CHD1L: variants seen among roughly 807,000 people sequenced by gnomAD.
CHD1L encodes ATP-dependent chromatin remodeler CHD1L.
CHD1L carries 118 observed loss-of-function variants against 115.9 expected under a neutral mutation model. The observed-to-expected ratio is 1.02, with a 90% CI of 0.88 to 1.19. The LOEUF is 1.19. Ranked by LOEUF, CHD1L falls within the 50% of genes most tolerant of loss-of-function variation. The probability of loss-of-function intolerance (pLI) is 0.00; values close to 1 mark genes in which losing one functional copy is unlikely to be tolerated. For missense variants in CHD1L, 1,179 were observed against 1,065.3 expected (o/e 1.11, Z -1.49); for synonymous variants, 411 against 387.1 (o/e 1.06, Z -0.72).
At chr1:147,260,513 C>T (rs1553943456) in intron 6 of CHD1L, 1 of 152,106 alleles carries the variant, frequency 6.6e-6, no homozygotes. Context: ...TGAATAAGAA[C>T]CCTACCCCAA....
chr1:147,287,725 A>T lies in CHD1L; in HGVS notation c.2312A>T (p.Lys771Ile), dbSNP rs143800773. The change falls in exon 19 of 23, where the codon AAA becomes ATA. Residue 771 changes from lysine to isoleucine, a missense_variant. Coordinates refer to ENST00000369258, the MANE Select transcript of CHD1L (RefSeq NM_004284.6). ...EPRKIYELAG[K>I]MKDLSLGGVL... is the part of the protein sequence containing the mutation. ...AGAAAAATATATGAGCTGGCTGGGA[A>T]AATGAAAGGTAAGAAGCAAAGCAGA... 2.5e-6 allele frequency: 4 copies of T among 1,613,948 alleles called. No homozygotes were observed. Among genetic ancestry groups the T allele is most frequent in the Non-Finnish European group, 2.5e-6 (3 of 1,179,958 alleles).
the CHD1L span, among the ~76,000 whole-genome samples, chr1:147,192,323 G>A: frequency 6.6e-6 from 1 of 151,926 alleles, no homozygotes; most frequent in African/African-American, 2.4e-5. Flanking sequence ...GTCTGTTGTT[G>A]GTGTATAAGA....
intron 1 of CHD1L, 125 bp from the exon 2 acceptor site, chr1:147,252,498 A>G (rs1571658555): frequency 3.1e-6 from 2 of 648,888 alleles, no homozygotes; most frequent in Non-Finnish European, 2.6e-6. Context: ...TCAGCAAAAG[A>G]TACGTCCAGT....
the CHD1L span, among the ~76,000 whole-genome samples, chr1:147,222,533 A>C: frequency 6.6e-6 from 1 of 152,136 alleles, no homozygotes; most frequent in African/African-American, 2.4e-5. Context: ...ATGGAATAGA[A>C]ACTCTCTTTG....
chr1:147,242,680 C>T (rs782820756), upstream of CHD1L: 1 of 1,264,074 alleles, frequency 7.9e-7, no homozygotes, highest in Non-Finnish European at 1.0e-6. Context: ...CTTGGCCGCG[C>T]GGGGCGGGGC....
At chr1:147,223,896 T>C in the CHD1L span, 1 of 354,426 alleles carries the variant, frequency 2.8e-6, no homozygotes, top group Non-Finnish European at 5.4e-6. Context: ...CAGAGACTGT[T>C]GTCCTGGACT....
At chr1:147,251,461 A>C (rs992952894) in intron 1 of CHD1L, among the ~76,000 whole-genome samples, 5 of 152,216 alleles carry the variant, frequency 3.3e-5, no homozygotes, top group African/African-American at 7.2e-5. Context: ...CTGATTATAA[A>C]ATGGGGATAA....
At chr1:147,290,953 A>G (rs6697022) in intron 19 of CHD1L, among the ~76,000 whole-genome samples, 33,228 of 152,146 alleles carry the variant, frequency 0.22, 4,202 homozygotes, top group Middle Eastern at 0.28. Flanking sequence ...GTGCTCGGCC[A>G]TATATGTCAG....
the CHD1L span, among the ~76,000 whole-genome samples, chr1:147,231,760 G>A: frequency 4.6e-5 from 7 of 152,198 alleles, no homozygotes; most frequent in East Asian, 3.9e-4. Context: ...CTGGTGTGCC[G>A]TTCGCTAAGA....
At chr1:147,268,258 A>C (rs1571887885) in intron 9 of CHD1L, among the ~76,000 whole-genome samples, 1 of 151,862 alleles carries the variant, frequency 6.6e-6, no homozygotes, top group Non-Finnish European at 1.5e-5. Flanking sequence ...GGCTTTTTTG[A>C]TTCCCTGATT....
In CHD1L at chr1:147,267,531, C is replaced by T; in HGVS notation, c.988+13C>T. The stretch of plus-strand genomic sequence containing the variant: ...TATTTGTTTGATGGTGAGACAGTGC[C>T]TTTTCCCCCCACATTATTCTTTGGT... On this transcript the variant is annotated intron_variant, in intron 9 of 22. Transcript: ENST00000369258. 1.9e-6 allele frequency: 3 copies of T among 1,589,756 alleles called. No homozygotes were observed. The highest frequency in any genetic ancestry group is 1.7e-6 in the Non-Finnish European group (2 of 1,162,810).
the CHD1L span, among the ~76,000 whole-genome samples, chr1:147,233,904 G>A: frequency 1.3e-5 from 2 of 151,880 alleles, no homozygotes; most frequent in African/African-American, 2.4e-5. Context: ...CAGCATGCTC[G>A]TTAAGAGTCA....
chr1:147,256,548 A>G lies in CHD1L; in HGVS notation c.480A>G (p.Ala160=), dbSNP rs1553940694. ...LTTYEICLKD[A]SFLKSFPWSV... is the part of the protein sequence containing the mutation. ...TTTTTCAGATTTGCTTGAAAGATGC[A>G]TCATTTCTAAAATCGTGAGTAGGTT... Residue 160 remains alanine, a synonymous_variant, in exon 5 of 23, where the codon GCA becomes GCG. Coordinates refer to ENST00000369258, the MANE Select transcript of CHD1L (RefSeq NM_004284.6). 4 of 1,613,496 alleles carry G rather than the reference A, an allele frequency of 2.5e-6. No homozygotes were observed. The highest frequency in any genetic ancestry group is 2.2e-5 in the East Asian group (1 of 44,874).
At chr1:147,195,621 C>A in the CHD1L span, among the ~76,000 whole-genome samples, 18 of 152,202 alleles carry the variant, frequency 1.2e-4, no homozygotes, top group African/African-American at 4.1e-4. Flanking sequence ...AAGGACAGGG[C>A]TAGACTAAGG....
intron 11 of CHD1L, among the ~76,000 whole-genome samples, chr1:147,271,893 T>C (rs1214708290): frequency 1.3e-5 from 2 of 152,224 alleles, no homozygotes; most frequent in Admixed American, 1.3e-4. Flanking sequence ...TCAGGGTTGC[T>C]TGAGAATAGT....
intron 14 of CHD1L, among the ~76,000 whole-genome samples, chr1:147,277,317 G>GA (rs779962406): frequency 8.8e-4 from 134 of 152,238 alleles, no homozygotes; most frequent in Non-Finnish European, 1.5e-3. Context: ...GTTTAAGAGA[G>GA]AAAAAGTGAC....
rs142236750 is a variant in CHD1L, at chr1:147,285,455, G to C, written c.1986G>C (p.Lys662Asn). Residue 662 changes from lysine (K) to asparagine (N), a missense_variant, in exon 17 of 23, where the codon AAG becomes AAC. By Grantham distance (94) the Lys-to-Asn change is moderately conservative (BLOSUM62 0). Coordinates refer to ENST00000369258, the MANE Select transcript of CHD1L (RefSeq NM_004284.6). ...GAAGGAGACTCATAGAGGAGAAGAA[G>C]AGGCAAAAGGAAGAGGCTGAACATA... Reference protein sequence around the residue: ...AKRRRLIEEKKRQKEEAEHKK... With the variant: ...AKRRRLIEEKNRQKEEAEHKK... 6.2e-7 allele frequency: 1 copy of C among 1,613,032 alleles called. No individual in the cohort carries two copies. Among genetic ancestry groups the C allele is most frequent in the African/African-American group, 1.3e-5 (1 of 74,776 alleles).
At chr1:147,212,416 C>G in the CHD1L span, 7 of 1,614,078 alleles carry the variant, frequency 4.3e-6, no homozygotes, top group Non-Finnish European at 5.9e-6. Flanking sequence ...TGGCTAATCT[C>G]TACAGCCAGA....
At chr1:147,251,541 A>T (rs1261190237) in intron 1 of CHD1L, among the ~76,000 whole-genome samples, 2 of 151,940 alleles carry the variant, frequency 1.3e-5, no homozygotes, top group South Asian at 4.1e-4. Flanking sequence ...TTTTATTATT[A>T]TTTTTTTGAG....
Sources: allele counts gnomAD v4.1 joint callset (sites outside exome capture counted in the v4.1 genomes callset), GRCh38; gene constraint gnomAD v4.1.1; transcripts MANE v1.5; gene names NCBI Gene and HGNC (gene_info 2026-07-23, HGNC 2026-07-21).